The following SCNN1D variants were observed in gnomAD, a reference collection of about 807,000 sequenced individuals.
The protein encoded by SCNN1D is sodium channel epithelial 1 subunit delta.
Under a neutral mutation model 87.8 loss-of-function variants are expected in SCNN1D, and 104 were observed. That is an observed-to-expected ratio of 1.18 (90% confidence interval 1.01 to 1.39). SCNN1D has a LOEUF of 1.39. Among genes scored for constraint, SCNN1D ranks in the 40% most tolerant of loss-of-function variants. SCNN1D has a pLI of 0.00. For missense variants in SCNN1D, 1,324 were observed against 1,093.9 expected, an observed-to-expected ratio of 1.21 and a Z score of -2.97; for synonymous variants, 628 against 481.2, an observed-to-expected ratio of 1.31 and a Z score of -3.99.
Position 1,286,070 on chromosome 1 carries a change from G to T in SCNN1D, c.703G>T (p.Gly235Cys). 1 of 1,599,800 alleles carries T rather than the reference G, an allele frequency of 6.3e-7. No homozygotes were observed. Residue 235 changes from glycine (G) to cysteine (C), a missense_variant, in exon 7 of 18, where the codon GGC becomes TGC. By Grantham distance (159) the Gly-to-Cys change is radical (BLOSUM62 -3). Coordinates refer to ENST00000379116, the MANE Select transcript of SCNN1D (RefSeq NM_001130413.4). ...TFFCTNATIH[G>C]AIRLVCSRGN... ...CTTCTGCACCAATGCCACCATCCAC[G>T]GCGCCATCCGCCTGGTCTGCTCCCG...
chr1:1,280,448 C>G lies in SCNN1D; in HGVS notation c.-214C>G. 4.6e-6 allele frequency: 2 copies of G among 432,396 alleles called. No homozygotes were observed. The highest frequency in any genetic ancestry group is 3.3e-5 in the South Asian group (1 of 30,700). The allele number at this position is 432,396 out of a possible 1,614,324, so 26.8% of individuals were successfully genotyped here. A position where few individuals can be genotyped will look rare whatever the true frequency, so the allele number is the denominator to read the frequency against. On this transcript the variant is annotated 5_prime_UTR_variant, in exon 1 of 18. Transcript: ENST00000379116. Reference sequence around the variant, plus strand: ...CACTGCCCTCCAGCCTGGGCGACAGCGAGACTCCATCTCAATAAATAAAAA... The same window carrying G: ...CACTGCCCTCCAGCCTGGGCGACAGGGAGACTCCATCTCAATAAATAAAAA...
chr1:1,288,054 A>T lies in SCNN1D; in HGVS notation c.1662+17A>T, dbSNP rs1471450934. 5 of 1,004,986 alleles carry T rather than the reference A, an allele frequency of 5.0e-6. No homozygotes were observed. Among genetic ancestry groups the T allele is most frequent in the Non-Finnish European group, 5.1e-6 (4 of 791,824 alleles). 62.3% of individuals were successfully genotyped at this position (1,004,986 alleles called of 1,614,324 possible). On this transcript the variant is annotated intron_variant, in intron 12 of 17. Coordinates refer to ENST00000379116, the MANE Select transcript of SCNN1D (RefSeq NM_001130413.4). ...ACCAGGCAGGTGAGGCTGGGCTGGC[A>T]GGGGGTGCGGGGGCAGGTGAGGCTG...
In SCNN1D at chr1:1,284,023, C is replaced by G. The variant is rs1397583949; in HGVS notation, c.397C>G (p.Gln133Glu). 3.5e-6 allele frequency: 5 copies of G among 1,428,494 alleles called. No individual in the cohort carries two copies. Among genetic ancestry groups the G allele is most frequent in the Non-Finnish European group, 4.5e-6 (5 of 1,099,156 alleles). The allele number at this position is 1,428,494 out of a possible 1,614,324, so 88.5% of individuals were successfully genotyped here. A position where few individuals can be genotyped will look rare whatever the true frequency, so the allele number is the denominator to read the frequency against. The stretch of plus-strand genomic sequence containing the variant: ...GCTTCAGAGCTGCCAGCTGCCCCCG[C>G]AATGGCTGAGCACCGAAGCATGGAC... ...ILLQSCQLPP[Q>E]WLSTEAWTGE... The change falls in exon 5 of 18, where the codon CAA becomes GAA. Residue 133 changes from glutamine to glutamate, a missense_variant. Gln to Glu is a conservative substitution (Grantham distance 29). Transcript: ENST00000379116.
chr1:1,287,841 G>C lies in SCNN1D; in HGVS notation c.1563+5G>C. 1 of 1,533,300 alleles carries C rather than the reference G, an allele frequency of 6.5e-7. No individual in the cohort carries two copies. Among genetic ancestry groups the C allele is most frequent in the Non-Finnish European group, 8.8e-7 (1 of 1,134,810 alleles). The allele number at this position is 1,533,300 out of a possible 1,614,324, so 95.0% of individuals were successfully genotyped here. ...GCCACCATCAGCATCCGAGAGGTGA[G>C]CTGGCCTCTGCAGCCAACCTCCGGC... is the stretch of plus-strand genomic sequence containing the variant. On this transcript the variant is annotated splice_donor_5th_base_variant and intron_variant, in intron 11 of 17. Coordinates refer to ENST00000379116, the MANE Select transcript of SCNN1D (RefSeq NM_001130413.4).
Position 1,286,982 on chromosome 1 carries a change from G to C in SCNN1D, c.1119+7G>C. ...CAGAGTGGGGTTCAGACTGGTGAGT[G>C]TCCCAGCCGGGGCCTGCAGCCATCA... On this transcript the variant is annotated splice_region_variant and intron_variant, in intron 8 of 17. Transcript: ENST00000379116. 5 of 1,609,296 alleles carry C rather than the reference G, an allele frequency of 3.1e-6. No individual in the cohort carries two copies. The highest frequency in any genetic ancestry group is 4.2e-6 in the Non-Finnish European group (5 of 1,177,756).
intron 12 of SCNN1D, among the ~76,000 whole-genome samples, chr1:1,288,605 TC>T (rs756870766): frequency 6.6e-4 from 2 of 3,010 alleles, no homozygotes; most frequent in Non-Finnish European, 1.2e-3. Flanking sequence ...CTCTGCTCCG[TC>T]CCCCGTGTCT....
In SCNN1D at chr1:1,286,177, C is replaced by G. The variant is rs769624838; in HGVS notation, c.810C>G (p.Leu270=). Residue 270 remains leucine, a synonymous_variant, in exon 7 of 18, where the codon CTC becomes CTG. Transcript: ENST00000379116. The stretch of plus-strand genomic sequence containing the variant: ...CGCTCTGCTGGCAGCTGGGGCTCCT[C>G]TTTGAGCGTCACTGGCACCGCCCGG... ...LVALCWQLGL[L]FERHWHRPVL... The G allele has an allele frequency of 6.9e-6, 11 of 1,605,232 alleles. No individual in the cohort carries two copies. The highest frequency in any genetic ancestry group is 9.3e-6 in the Non-Finnish European group (11 of 1,178,656).
chr1:1,284,390 C>T (rs904212872), intron 5 of SCNN1D, among the ~76,000 whole-genome samples: 5 of 150,560 alleles, frequency 3.3e-5, no homozygotes, highest in South Asian at 2.1e-4. Context: ...GGTCTCTTTC[C>T]GATGCCTGGC....
rs1174190088 is a variant in SCNN1D at position 1,283,982 on chromosome 1, C to G, written c.356C>G (p.Ala119Gly). Residue 119 changes from alanine (A) to glycine (G), a missense_variant, in exon 5 of 18, where the codon GCC becomes GGC. By Grantham distance (60) the Ala-to-Gly change is moderately conservative. Coordinates refer to ENST00000379116, the MANE Select transcript of SCNN1D (RefSeq NM_001130413.4). ...AAASFQSRQE[A>G]RGSILLQSCQ... Reference sequence around the variant, plus strand: ...CAGCCAGCCTGTTTTAAATAGGAGGCCAGAGGCTCCATCCTGCTTCAGAGC... The same window carrying G: ...CAGCCAGCCTGTTTTAAATAGGAGGGCAGAGGCTCCATCCTGCTTCAGAGC... 27 of 1,456,984 alleles carry G rather than the reference C, an allele frequency of 1.9e-5. No homozygotes were observed. The highest frequency in any genetic ancestry group is 2.0e-5 in the Non-Finnish European group (22 of 1,108,044). 90.3% of individuals were successfully genotyped at this position (1,456,984 alleles called of 1,614,324 possible).
Position 1,285,632 on chromosome 1 carries a change from A to G in SCNN1D, c.526A>G (p.Thr176Ala). 6.5e-7 allele frequency: 1 copy of G among 1,547,432 alleles called. No individual in the cohort carries two copies. The highest frequency in any genetic ancestry group is 8.7e-7 in the Non-Finnish European group (1 of 1,145,448). ...CHLKGWQHRP[T>A]QHNAACKQGQ... ...CCTGAAGGGATGGCAGCACAGACCC[A>G]CTCAGCACAACGCTGCCTGCAAACA... is the stretch of plus-strand genomic sequence containing the variant. The change falls in exon 6 of 18, where the codon ACT becomes GCT. Residue 176 changes from threonine (T) to alanine (A), a missense_variant. Transcript: ENST00000379116.
intron 12 of SCNN1D, among the ~76,000 whole-genome samples, chr1:1,290,027 T>TCTGCTCCGTCCCGTGTCC (rs1289198241): frequency 4.5e-5 from 3 of 66,092 alleles, no homozygotes; most frequent in Admixed American, 1.7e-4. Flanking sequence ...GTCCCGTGTC[T>TCTGCTCCGTCCCGTGTCC]CTGCTCCGTC....
intron 12 of SCNN1D, 75 bp from the exon 13 acceptor site, chr1:1,290,196 T>TCCCTC (rs1640748889): frequency 7.6e-6 from 6 of 785,996 alleles, no homozygotes; most frequent in East Asian, 3.2e-5. Flanking sequence ...GTGTCCCTGC[T>TCCCTC]CCGTCCCGTG....
chr1:1,281,563 G>A lies in SCNN1D; in HGVS notation c.230G>A (p.Gly77Asp). ...ACCAGTGCTGGACATGTGCTCTGTG[G>A]CTACCCCCTCTGCCTACTCTCTGGC... ...GFTSAGHVLCGYPLCLLSGPI... is the reference protein window; with the variant it reads ...GFTSAGHVLCDYPLCLLSGPI... Residue 77 changes from glycine (G) to aspartate (D), a missense_variant, in exon 3 of 18, where the codon GGC becomes GAC. Gly to Asp is a moderately conservative substitution (Grantham distance 94, BLOSUM62 -1). Transcript: ENST00000379116. 2.0e-6 allele frequency: 3 copies of A among 1,535,794 alleles called. No individual in the cohort carries two copies. Among genetic ancestry groups the A allele is most frequent in the Non-Finnish European group, 2.6e-6 (3 of 1,146,808 alleles).
At chr1:1,284,584 C>A (rs536630346) in intron 5 of SCNN1D, among the ~76,000 whole-genome samples, 69 of 125,268 alleles carry the variant, frequency 5.5e-4, no homozygotes, top group African/African-American at 2.0e-3. Context: ...CGGGGGGTGC[C>A]GAGCGTGTGC....
In SCNN1D at chr1:1,291,791, T is replaced by TGGGTCTCAAGGAGGCCCGGGGC. The variant is rs1640827915; in HGVS notation, c.*184_*205dup. 4.0e-6 allele frequency: 2 copies of TGGGTCTCAAGGAGGCCCGGGGC among 494,182 alleles called. No homozygotes were observed. Among genetic ancestry groups the TGGGTCTCAAGGAGGCCCGGGGC allele is most frequent in the Non-Finnish European group, 7.0e-6 (2 of 286,752 alleles). The allele number at this position is 494,182 out of a possible 1,614,324, so 30.6% of individuals were successfully genotyped here. ...GTCAAACCACCTACACTGCCTGGGG[T>TGGGTCTCAAGGAGGCCCGGGGC]GGGTCTCAAGGAGGCCCGGGGCGGA... On this transcript the variant is annotated 3_prime_UTR_variant, in exon 18 of 18. Coordinates refer to ENST00000379116, the MANE Select transcript of SCNN1D (RefSeq NM_001130413.4).
chr1:1,290,888 T>C lies in SCNN1D; in HGVS notation c.1918-7T>C. 2 of 1,609,858 alleles carry C rather than the reference T, an allele frequency of 1.2e-6. No individual in the cohort carries two copies. The highest frequency in any genetic ancestry group is 1.1e-5 in the South Asian group (1 of 90,636). ...AGCCGTGGCCACAGCAAACCTTCCG[T>C]CTGCAGGGATGGACTCTGGCCACGC... On this transcript the variant is annotated splice_region_variant and splice_polypyrimidine_tract_variant and intron_variant, in intron 15 of 17. Coordinates refer to ENST00000379116, the MANE Select transcript of SCNN1D (RefSeq NM_001130413.4).
At chr1:1,280,719 T>C in intron 1 of SCNN1D, 53 bp downstream of exon 1, 2 of 699,416 alleles carry the variant, frequency 2.9e-6, no homozygotes, top group Non-Finnish European at 2.6e-6. Context: ...AGGTTAACTT[T>C]GGAATGCCCA....
chr1:1,290,556 G>A lies in SCNN1D; in HGVS notation c.1859+1G>A. ...CCTCCCGCTGCCCCAGGCCCTGCAG[G>A]TGAGACGGGGGTGTTGGGGTCGCGG... On this transcript the variant is annotated splice_donor_variant, in intron 14 of 17. Transcript: ENST00000379116. LOFTEE classifies it high-confidence loss of function. The A allele has an allele frequency of 6.2e-7, 1 of 1,612,630 alleles. No individual in the cohort carries two copies. Among genetic ancestry groups the A allele is most frequent in the African/African-American group, 1.3e-5 (1 of 75,050 alleles).
chr1:1,288,215 T>TCCGTCCCGTGTCTCTGCC (rs1557584123), intron 12 of SCNN1D, among the ~76,000 whole-genome samples, 178 bp downstream of exon 12: 7 of 127,006 alleles, frequency 5.5e-5, no homozygotes, highest in African/African-American at 1.5e-4. Context: ...GTGTCTCTGC[T>TCCGTCCCGTGTCTCTGCC]CCGTCCCGTG....
Sources: gnomAD v4.1 joint callset for allele counts (sites outside exome capture counted in the v4.1 genomes callset) on GRCh38, gnomAD v4.1.1 for gene constraint, MANE v1.5 for transcripts, NCBI Gene and HGNC (gene_info 2026-07-23, HGNC 2026-07-21) for gene names.